LRCH3: variants seen among roughly 807,000 people sequenced by gnomAD.
LRCH3 encodes the protein leucine rich repeats and calponin homology domain containing 3.
LRCH3 carries 68 observed loss-of-function variants against 104.5 expected under a neutral mutation model. The observed-to-expected ratio is 0.65, with a 90% CI of 0.54 to 0.80. LRCH3 has a LOEUF of 0.80. Among genes scored for constraint, LRCH3 ranks in the 30% least tolerant of loss-of-function variants. The pLI is 0.00. For synonymous variants in LRCH3, 344 were observed against 361.3 expected (o/e 0.95, Z 0.54); for missense variants, 951 against 953.9 (o/e 1.00, Z 0.04).
chr3:197,792,624 A>AT (rs56835265), intron 1 of LRCH3, among the ~76,000 whole-genome samples: 1 of 86,546 alleles, frequency 1.2e-5, no homozygotes, highest in Admixed American at 1.6e-4. Flanking sequence ...ATATATATAT[A>AT]ATATACATAT....
chr3:197,804,640 A>C (rs1732271260), intron 1 of LRCH3, among the ~76,000 whole-genome samples: 1 of 152,112 alleles, frequency 6.6e-6, no homozygotes, highest in African/African-American at 2.4e-5. Flanking sequence ...TCTAGTACCT[A>C]CTTTTAAAAG....
At position 197,884,821 on chromosome 3, in the gene LRCH3, C is replaced by T. The variant is rs1480108895; in HGVS notation, c.*1155C>T. On this transcript the variant is annotated 3_prime_UTR_variant, in exon 21 of 21. Coordinates refer to ENST00000425562, the MANE Select transcript of LRCH3 (RefSeq NM_001365715.1). ...AGAGTTGGGGTCTTGCCGTATTGCC[C>T]AGGCTGGTCTGAAACTCCTGGGCTC... The T allele has an allele frequency of 6.6e-6, 1 of 152,122 alleles. No individual in the cohort carries two copies. The highest frequency in any genetic ancestry group is 1.5e-5 in the Non-Finnish European group (1 of 68,072). The allele number at this position is 152,122 out of a possible 1,614,324, so 9.4% of individuals were successfully genotyped here.
intron 10 of LRCH3, among the ~76,000 whole-genome samples, chr3:197,844,254 A>G (rs539753557): frequency 1.3e-4 from 20 of 152,322 alleles, no homozygotes; most frequent in African/African-American, 4.3e-4. Flanking sequence ...TCCAAGTGGA[A>G]TTATCAAGTA....
intron 1 of LRCH3, among the ~76,000 whole-genome samples, chr3:197,809,768 T>TTTGTTG (rs201594413): frequency 2.4e-4 from 37 of 152,080 alleles, no homozygotes; most frequent in African/African-American, 8.9e-4. Flanking sequence ...CCTTCTGTTT[T>TTTGTTG]TTGTTGTTGT....
chr3:197,880,440 A>T (rs1365178573), intron 20 of LRCH3: 2 of 1,119,596 alleles, frequency 1.8e-6, no homozygotes, highest in African/African-American at 1.5e-5. Flanking sequence ...TATGAATTCT[A>T]TACTCAAATC....
At chr3:197,868,234 T>C (rs1249020367) in intron 17 of LRCH3, among the ~76,000 whole-genome samples, 1 of 152,090 alleles carries the variant, frequency 6.6e-6, no homozygotes, top group African/African-American at 2.4e-5. Flanking sequence ...ACAACGATAA[T>C]AAACAATGCC....
chr3:197,869,923 C>CCGCAGGAGG (rs1271682514), intron 17 of LRCH3, among the ~76,000 whole-genome samples: 22 of 150,460 alleles, frequency 1.5e-4, no homozygotes, highest in African/African-American at 5.2e-4. Context: ...TGCACTGTAC[C>CCGCAGGAGG]TGCAGGAGGT....
Position 197,803,461 on chromosome 3 carries a change from C to T in LRCH3, c.263-11447C>T, listed in dbSNP as rs1437096145. ...ATTTTTAACAAGCACCCTGATGGTA[C>T]TAGGTGCAGGTAGTTAAGAACCACC... On this transcript the variant is annotated intron_variant, in intron 1 of 20. Coordinates refer to ENST00000425562, the MANE Select transcript of LRCH3 (RefSeq NM_001365715.1). Among the ~76,000 whole-genome samples, 3 of 152,126 alleles carry T rather than the reference C, an allele frequency of 2.0e-5. No individual in the cohort carries two copies. In the East Asian group the frequency reaches 5.8e-4, roughly 29 times the overall value.
At chr3:197,863,835 A>G (rs1741152427) in intron 15 of LRCH3, among the ~76,000 whole-genome samples, 2 of 152,242 alleles carry the variant, frequency 1.3e-5, no homozygotes, top group Admixed American at 6.5e-5. Flanking sequence ...TTTTAAAAAT[A>G]TTAAATTTTA....
chr3:197,871,483 A>G, intron 19 of LRCH3, 21 bp downstream of exon 19: 1 of 1,610,054 alleles, frequency 6.2e-7, no homozygotes, highest in South Asian at 1.1e-5. Context: ...AATCCTAAAA[A>G]GCCTTGGCTA....
chr3:197,794,418 A>G (rs1730964788), intron 1 of LRCH3, among the ~76,000 whole-genome samples: 1 of 152,240 alleles, frequency 6.6e-6, no homozygotes, highest in African/African-American at 2.4e-5. Flanking sequence ...TCCAAAAGCC[A>G]TAGTCTGTTT....
Position 197,883,648 on chromosome 3 carries a change from C to A in LRCH3, c.2316C>A (p.His772Gln), listed in dbSNP as rs778118325. 4.6e-6 allele frequency: 7 copies of A among 1,536,102 alleles called. No individual in the cohort carries two copies. Among genetic ancestry groups the A allele is most frequent in the Non-Finnish European group, 6.1e-6 (7 of 1,146,904 alleles). Residue 772 changes from histidine (H) to glutamine (Q), a missense_variant, in exon 21 of 21, where the codon CAC (histidine) becomes CAA (glutamine). Physicochemically the swap from His to Gln is conservative, Grantham distance 24. Transcript: ENST00000425562. The surrounding 1 kb of genome is among the most constrained non-coding windows in gnomAD (Gnocchi z 4.2). ...LELAPPKQQQ[H>Q]QLSAV ...TTGCCCCACCCAAGCAACAGCAGCA[C>A]CAGTTATCTGCTGTTTGAGGATCCC...
rs767211783 is a variant in LRCH3 at position 197,883,545 on chromosome 3, A to C, written c.2213A>C (p.Gln738Pro). ...ATGTTACGTTGTCCCTTTCAGGAGC[A>C]ATTATGTTTGCCTCTCCACATTTTA... ...ACRKIGVPQE[Q>P]LCLPLHILEE... Residue 738 changes from glutamine to proline, a missense_variant, in exon 21 of 21, where the codon CAA becomes CCA. Gln to Pro is a moderately conservative substitution (Grantham distance 76, BLOSUM62 -1). Coordinates refer to ENST00000425562, the MANE Select transcript of LRCH3 (RefSeq NM_001365715.1). The surrounding 1 kb of genome is among the most constrained non-coding windows in gnomAD (Gnocchi z 4.2). 3 of 1,535,564 alleles carry C rather than the reference A, an allele frequency of 2.0e-6. 1 individual carries two copies. The South Asian group carries it at 3.6e-5, about 18-fold the overall frequency.
chr3:197,865,504 A>G, intron 16 of LRCH3, 33 bp downstream of exon 16: 1 of 1,336,600 alleles, frequency 7.5e-7, no homozygotes, highest in Non-Finnish European at 1.0e-6. Flanking sequence ...TAACCACATC[A>G]AGATTATAAT....
chr3:197,865,436 C>T lies in LRCH3; in HGVS notation c.1730C>T (p.Pro577Leu), dbSNP rs1414457220. The T allele has an allele frequency of 6.4e-7, 1 of 1,570,398 alleles. No homozygotes were observed. The highest frequency in any genetic ancestry group is 1.8e-5 in the Admixed American group (1 of 54,844). The change falls in exon 16 of 21, where the codon CCT becomes CTT. Residue 577 changes from proline (P) to leucine (L), a missense_variant. Coordinates refer to ENST00000425562, the MANE Select transcript of LRCH3 (RefSeq NM_001365715.1). ...GTTTCTCCACAGAGTGATGACAGAC[C>T]TAATGCTCTATTAAGTTCACCTGCA... Reference protein sequence around the residue: ...AFTPLKSDDRPNALLSSPATE... With the variant: ...AFTPLKSDDRLNALLSSPATE...
intron 17 of LRCH3, among the ~76,000 whole-genome samples, chr3:197,867,932 G>A (rs1560596782): frequency 6.6e-6 from 1 of 152,142 alleles, no homozygotes; most frequent in Non-Finnish European, 1.5e-5. Context: ...GCTGAGGCGG[G>A]AGGATGGATT....
At position 197,832,274 on chromosome 3, in the gene LRCH3, G is replaced by A. The variant is rs148143513; in HGVS notation, c.1059G>A (p.Gln353=). The change falls in exon 8 of 21, where the codon CAG becomes CAA. Residue 353 remains glutamine, a synonymous_variant. Transcript: ENST00000425562. ...AACAAAGACTACGAAGAGAAAGCCA[G>A]TACCAAGAGAACCGCGGCAGTTTGG... ...TKEQRLRRES[Q]YQENRGSLVV... is the part of the protein sequence containing the mutation. 4 of 1,613,958 alleles carry A rather than the reference G, an allele frequency of 2.5e-6. No homozygotes were observed. The highest frequency in any genetic ancestry group is 2.2e-5 in the East Asian group (1 of 44,882).
chr3:197,796,922 T>C (rs1347926558), intron 1 of LRCH3, among the ~76,000 whole-genome samples: 1 of 152,092 alleles, frequency 6.6e-6, no homozygotes, highest in Non-Finnish European at 1.5e-5. Flanking sequence ...AAATAGAAAC[T>C]AGAGCTTTAG....
At chr3:197,834,188 T>A (rs543776901) in intron 8 of LRCH3, among the ~76,000 whole-genome samples, 1 of 152,222 alleles carries the variant, frequency 6.6e-6, no homozygotes, top group Admixed American at 6.5e-5. Flanking sequence ...GTAGGAAGTT[T>A]TTTTTTCTAG....
Sources: gnomAD v4.1 joint callset for allele counts (sites outside exome capture counted in the v4.1 genomes callset) on GRCh38, gnomAD v4.1.1 for gene constraint, Gnocchi (gnomAD v3.1) non-coding constraint, MANE v1.5 for transcripts, NCBI Gene and HGNC (gene_info 2026-07-23, HGNC 2026-07-21) for gene names.